Variants in GUCY1A2 observed in about 807,000 individuals in gnomAD.
The protein encoded by GUCY1A2 is guanylate cyclase soluble subunit alpha-2.
GUCY1A2 carries 27 observed loss-of-function variants against 63.5 expected under a neutral mutation model. The ratio of observed to expected loss-of-function variants is 0.43; its 90% CI spans 0.31 to 0.59. The LOEUF is 0.59. Ranked by LOEUF, GUCY1A2 falls within the 20% of genes least tolerant of loss-of-function variation. GUCY1A2 has a pLI of 0.11. For missense variants in GUCY1A2, 768 were observed against 913.3 expected (o/e 0.84, Z 2.05); for synonymous variants, 364 against 343.5 (o/e 1.06, Z -0.66).
chr11:106,747,825 G>A (rs1863816232), intron 6 of GUCY1A2, among the ~76,000 whole-genome samples: 1 of 152,168 alleles, frequency 6.6e-6, no homozygotes, highest in South Asian at 2.1e-4. Flanking sequence ...AGCAAAGGTG[G>A]AGCTTGTAAG....
intron 4 of GUCY1A2, among the ~76,000 whole-genome samples, chr11:106,861,882 A>G (rs1859517923): frequency 6.6e-6 from 1 of 152,044 alleles, no homozygotes; most frequent in African/African-American, 2.4e-5. Context: ...ATTTCTTTCT[A>G]CCAAATTTTC....
intron 1 of GUCY1A2, among the ~76,000 whole-genome samples, chr11:107,004,695 G>T (rs1180134576): frequency 1.3e-5 from 2 of 152,116 alleles, no homozygotes; most frequent in African/African-American, 2.4e-5. Flanking sequence ...ATGATGAAAA[G>T]AATAAACAAA....
intron 4 of GUCY1A2, among the ~76,000 whole-genome samples, chr11:106,845,217 A>C (rs2135446649): frequency 6.6e-6 from 1 of 151,744 alleles, no homozygotes; most frequent in East Asian, 1.9e-4. Context: ...TATGTTTCAT[A>C]GAATTAATGT....
intron 7 of GUCY1A2, among the ~76,000 whole-genome samples, 196 bp from the exon 8 acceptor site, chr11:106,687,952 A>G (rs774650855): frequency 6.6e-6 from 1 of 152,184 alleles, no homozygotes; most frequent in Non-Finnish European, 1.5e-5. Flanking sequence ...TTCATGTGAT[A>G]ATAATAAAAA....
chr11:106,833,310 A>G (rs373415803), intron 4 of GUCY1A2, among the ~76,000 whole-genome samples: 23 of 152,238 alleles, frequency 1.5e-4, no homozygotes, highest in East Asian at 1.4e-3. Context: ...ACTTCAAAGT[A>G]TCTTAGGAAG....
chr11:106,703,639 C>T (rs1452314574), intron 7 of GUCY1A2, among the ~76,000 whole-genome samples: 1 of 152,056 alleles, frequency 6.6e-6, no homozygotes, highest in Non-Finnish European at 1.5e-5. Context: ...CTCATGACGC[C>T]CACGCTGATT....
intron 4 of GUCY1A2, among the ~76,000 whole-genome samples, chr11:106,909,355 C>CTGTGTGTG (rs59067320): frequency 0.049 from 5,897 of 119,982 alleles, 278 homozygotes; most frequent in African/African-American, 0.096. Flanking sequence ...TGGTACTCAT[C>CTGTGTGTG]TGTGTGTGTG....
chr11:106,730,050 TCAGCATGGAATATATATA>T (rs1355405844), intron 6 of GUCY1A2, among the ~76,000 whole-genome samples: 4 of 96,662 alleles, frequency 4.1e-5, no homozygotes, highest in Non-Finnish European at 8.6e-5. Flanking sequence ...CTTTCTTTAA[TCAGCATGGAATATATATA>T]TATATATATA....
chr11:106,848,140 T>C (rs1859302117), intron 4 of GUCY1A2, among the ~76,000 whole-genome samples: 4 of 151,688 alleles, frequency 2.6e-5, no homozygotes, highest in Admixed American at 2.6e-4. Flanking sequence ...CATGGAAAGC[T>C]GGTGAAAATG....
At chr11:106,788,924 T>C (rs1332244449) in intron 5 of GUCY1A2, among the ~76,000 whole-genome samples, 1 of 152,236 alleles carries the variant, frequency 6.6e-6, no homozygotes, top group Non-Finnish European at 1.5e-5. Context: ...TTATGTTTTA[T>C]ATTTCTGTGA....
At chr11:106,784,462 C>G (rs1231784907) in intron 5 of GUCY1A2, among the ~76,000 whole-genome samples, 3 of 151,978 alleles carry the variant, frequency 2.0e-5, no homozygotes, top group Non-Finnish European at 2.9e-5. Flanking sequence ...GGAGGGAGTG[C>G]CCCTGGTCCC....
intron 4 of GUCY1A2, among the ~76,000 whole-genome samples, chr11:106,838,825 T>C (rs1565305931): frequency 6.6e-6 from 1 of 151,978 alleles, no homozygotes; most frequent in Non-Finnish European, 1.5e-5. Context: ...TTTGATGGGG[T>C]TGTTTTTTTC....
chr11:106,904,859 T>C (rs576897352), intron 4 of GUCY1A2, among the ~76,000 whole-genome samples: 73 of 152,122 alleles, frequency 4.8e-4, no homozygotes, highest in Non-Finnish European at 8.5e-4. Flanking sequence ...AATAATTAAG[T>C]GTAATTATCT....
chr11:107,008,278 CAAAAA>C (rs60060457), intron 1 of GUCY1A2, among the ~76,000 whole-genome samples: 7 of 95,486 alleles, frequency 7.3e-5, no homozygotes, highest in African/African-American at 3.3e-4. Flanking sequence ...GACTCCATCT[CAAAAA>C]AAAAAAAAAA....
chr11:106,940,683 C>A (rs1325456883), intron 3 of GUCY1A2, among the ~76,000 whole-genome samples: 2 of 152,130 alleles, frequency 1.3e-5, no homozygotes, highest in East Asian at 3.8e-4. Context: ...ATACACTTAT[C>A]ATATCACTTA....
At chr11:106,832,911 C>T (rs1033708326) in intron 4 of GUCY1A2, among the ~76,000 whole-genome samples, 1 of 152,028 alleles carries the variant, frequency 6.6e-6, no homozygotes, top group African/African-American at 2.4e-5. Flanking sequence ...GTCCTACATA[C>T]TATTAAGCTG....
At chr11:107,005,359 G>C (rs1022473663) in intron 1 of GUCY1A2, among the ~76,000 whole-genome samples, 2 of 152,060 alleles carry the variant, frequency 1.3e-5, no homozygotes, top group Non-Finnish European at 2.9e-5. Flanking sequence ...TTGCAGCCTT[G>C]ACCACATGGG....
chr11:106,929,796 T>G (rs1210643484), intron 4 of GUCY1A2, among the ~76,000 whole-genome samples: 1 of 152,188 alleles, frequency 6.6e-6, no homozygotes, highest in Non-Finnish European at 1.5e-5. Context: ...TACTTTCTTA[T>G]AACATCTATT....
chr11:106,931,739 C>A (rs1272879086), intron 4 of GUCY1A2, among the ~76,000 whole-genome samples: 1 of 152,090 alleles, frequency 6.6e-6, no homozygotes, highest in Non-Finnish European at 1.5e-5. Flanking sequence ...AGAAAGATAA[C>A]TAATTGTATG....
Sources: allele counts gnomAD v4.1 joint callset (sites outside exome capture counted in the v4.1 genomes callset), GRCh38; gene constraint gnomAD v4.1.1; transcripts MANE v1.5; gene names NCBI Gene and HGNC (gene_info 2026-07-23, HGNC 2026-07-21).